The following ATP9B variants were observed in gnomAD, a reference collection of about 807,000 sequenced individuals.
ATP9B encodes the protein ATPase phospholipid transporting 9B.
Under a neutral mutation model 146.1 loss-of-function variants are expected in ATP9B, and 110 were observed. The ratio of observed to expected loss-of-function variants is 0.75; its 90% CI spans 0.65 to 0.88. ATP9B has a LOEUF of 0.88. Ranked by LOEUF, ATP9B falls within the 40% of genes least tolerant of loss-of-function variation. The pLI, the probability that ATP9B is intolerant of heterozygous loss-of-function variation, is 0.00. For missense variants in ATP9B, 1,499 were observed against 1,496.4 expected (o/e 1.00, Z -0.03); for synonymous variants, 604 against 569.7 (o/e 1.06, Z -0.86).
chr18:79,231,803 T>TATATACACACACAC (rs569726473), intron 11 of ATP9B, among the ~76,000 whole-genome samples: 2 of 114,762 alleles, frequency 1.7e-5, no homozygotes, highest in African/African-American at 6.8e-5. Context: ...TATATATATA[T>TATATACACACACAC]ACACACACAC....
At chr18:79,260,852 T>G (rs979987971) in intron 12 of ATP9B, among the ~76,000 whole-genome samples, 5 of 152,190 alleles carry the variant, frequency 3.3e-5, no homozygotes, top group African/African-American at 4.8e-5. Flanking sequence ...TCTCGAAACT[T>G]AACAGTTTGC....
chr18:79,103,856 A>G (rs889593580), intron 2 of ATP9B, among the ~76,000 whole-genome samples: 2 of 152,094 alleles, frequency 1.3e-5, no homozygotes, highest in Non-Finnish European at 2.9e-5. Flanking sequence ...GGCCCCCACG[A>G]CGTTGTGAAT....
chr18:79,218,587 C>T (rs1472602889), intron 11 of ATP9B, among the ~76,000 whole-genome samples: 6 of 151,278 alleles, frequency 4.0e-5, no homozygotes, highest in African/African-American at 1.5e-4. Context: ...ATGTTTTCCT[C>T]GTGTTCCGGG....
chr18:79,351,916 C>T (rs2096924259), intron 25 of ATP9B, among the ~76,000 whole-genome samples: 1 of 152,126 alleles, frequency 6.6e-6, no homozygotes, highest in African/African-American at 2.4e-5. Context: ...TGCCCTTGCC[C>T]CCCAAGCAGG....
At chr18:79,376,389 ATTT>A (rs1162245001) in intron 29 of ATP9B, 57 of 950,624 alleles carry the variant, frequency 6.0e-5, no homozygotes, top group South Asian at 9.7e-5. Context: ...ATCTGCAACC[ATTT>A]TTTTTTTTTT....
intron 26 of ATP9B, chr18:79,363,280 T>C (rs2097001220): frequency 6.6e-6 from 1 of 152,190 alleles, no homozygotes. Flanking sequence ...AGTGAGACAC[T>C]GAAGTGTACC....
chr18:79,200,976 A>C (rs2095481432), intron 9 of ATP9B, among the ~76,000 whole-genome samples: 1 of 152,190 alleles, frequency 6.6e-6, no homozygotes, highest in Admixed American at 6.5e-5. Flanking sequence ...TTGAGCACAA[A>C]CTGAATTTAG....
intron 7 of ATP9B, among the ~76,000 whole-genome samples, chr18:79,169,118 G>A (rs1201928959): frequency 6.6e-6 from 1 of 152,026 alleles, no homozygotes; most frequent in Non-Finnish European, 1.5e-5. Flanking sequence ...CTGTACAGTG[G>A]AGGCATTTTT....
chr18:79,308,276 G>A (rs528244642), intron 15 of ATP9B, among the ~76,000 whole-genome samples: 52 of 152,182 alleles, frequency 3.4e-4, no homozygotes, highest in Admixed American at 9.8e-4. Flanking sequence ...CAGTCTAAGC[G>A]TTCCTGAAAA....
intron 11 of ATP9B, among the ~76,000 whole-genome samples, chr18:79,252,618 A>G (rs973256896): frequency 1.3e-5 from 2 of 152,186 alleles, no homozygotes; most frequent in African/African-American, 4.8e-5. Context: ...CCAAGATCCT[A>G]TACAGAATGC....
In ATP9B at chr18:79,342,864, C is replaced by T. The variant is rs768757462; in HGVS notation, c.2382+498C>T. On this transcript the variant is annotated intron_variant, in intron 20 of 29. Coordinates refer to ENST00000426216, the MANE Select transcript of ATP9B (RefSeq NM_198531.5). ...TTGTCCAGAAGCTGCTGTTGTGAAA[C>T]AAGCTATAAATACAAAATAGAAATG... 5.3e-5 allele frequency among the ~76,000 whole-genome samples: 8 copies of T among 152,150 alleles called. No individual in the cohort carries two copies. The East Asian group carries it at 1.5e-3, about 29-fold the overall frequency.
chr18:79,303,372 C>T (rs888691432), intron 13 of ATP9B, among the ~76,000 whole-genome samples: 1 of 152,010 alleles, frequency 6.6e-6, no homozygotes, highest in African/African-American at 2.4e-5. Context: ...CAAAAAAAAA[C>T]ACACAAAAAT....
chr18:79,336,846 G>A, intron 18 of ATP9B, 135 bp downstream of exon 18: 1 of 838,898 alleles, frequency 1.2e-6, no homozygotes, highest in South Asian at 1.7e-5. Flanking sequence ...CGCTCAGCAG[G>A]AGCATGGGGT....
intron 11 of ATP9B, among the ~76,000 whole-genome samples, chr18:79,248,024 A>G (rs1053602649): frequency 6.6e-5 from 10 of 152,320 alleles, no homozygotes; most frequent in Admixed American, 3.9e-4. Flanking sequence ...TATTTAGGGA[A>G]TTCTTAAAGC....
chr18:79,307,188 A>G lies in ATP9B; in HGVS notation c.1727A>G (p.Asp576Gly), dbSNP rs749614692. Residue 576 changes from aspartate (D) to glycine (G), a missense_variant, in exon 15 of 30, where the codon GAC becomes GGC. Transcript: ENST00000426216. ...EETEFAEADQ[D>G]FSDENRTYQA... is the part of the protein sequence containing the mutation. The stretch of plus-strand genomic sequence containing the variant: ...ACTGAGTTCGCAGAGGCTGACCAAG[A>G]CTTCAGTGATGAGAATCGCACCTAC... The G allele has an allele frequency of 3.1e-6, 5 of 1,614,128 alleles. No individual in the cohort carries two copies. In the East Asian group the frequency reaches 1.1e-4, roughly 36 times the overall value.
rs1367979842 is a variant in ATP9B at position 79,374,035 on chromosome 18, G to A, written c.3208G>A (p.Val1070Met). 2 of 1,614,218 alleles carry A rather than the reference G, an allele frequency of 1.2e-6. No individual in the cohort carries two copies. The highest frequency in any genetic ancestry group is 1.7e-6 in the Non-Finnish European group (2 of 1,180,042). The change falls in exon 28 of 30, where the codon GTG becomes ATG. Residue 1070 changes from valine (V) to methionine (M), a missense_variant. Transcript: ENST00000426216. ...CGTCCGCACGTGGCACTGGCTGATGGTGGTGGCCGAGTTCCTCAGCTTAGG... is the reference window on the plus strand; with the variant it reads ...CGTCCGCACGTGGCACTGGCTGATGATGGTGGCCGAGTTCCTCAGCTTAGG... ...LTVRTWHWLM[V>M]VAEFLSLGCY... is the part of the protein sequence containing the mutation.
At chr18:79,192,416 T>C (rs2095375696) in intron 8 of ATP9B, among the ~76,000 whole-genome samples, 1 of 152,218 alleles carries the variant, frequency 6.6e-6, no homozygotes, top group East Asian at 1.9e-4. Context: ...CATATGATCC[T>C]CCCCCTGGCT....
chr18:79,338,589 T>C (rs1337405386), intron 19 of ATP9B, among the ~76,000 whole-genome samples: 1 of 152,206 alleles, frequency 6.6e-6, no homozygotes, highest in African/African-American at 2.4e-5. Flanking sequence ...CCATCCTTCT[T>C]GGTGGCTTCC....
intron 19 of ATP9B, among the ~76,000 whole-genome samples, chr18:79,339,419 C>T (rs193140275): frequency 1.3e-4 from 17 of 133,906 alleles, no homozygotes; most frequent in Admixed American, 2.4e-4. Flanking sequence ...AGTATGTCAT[C>T]GCAGTAGGAA....
Sources: allele counts gnomAD v4.1 joint callset (sites outside exome capture counted in the v4.1 genomes callset), GRCh38; gene constraint gnomAD v4.1.1; transcripts MANE v1.5; gene names NCBI Gene and HGNC (gene_info 2026-07-23, HGNC 2026-07-21).